Variants in TRPM8 observed in about 807,000 individuals in gnomAD.
TRPM8 encodes TRPM8 cationic channel.
TRPM8 carries 110 observed loss-of-function variants against 133.7 expected under a neutral mutation model. The observed-to-expected ratio is 0.82, with a 90% CI of 0.70 to 0.96. The LOEUF (loss-of-function observed/expected upper bound fraction) is 0.96. Ranked by LOEUF, TRPM8 falls within the 40% of genes least tolerant of loss-of-function variation. The pLI, the probability that TRPM8 is intolerant of heterozygous loss-of-function variation, is 0.00. For missense variants in TRPM8, 1,291 were observed against 1,379.5 expected, an observed-to-expected ratio of 0.94 and a Z score of 1.02; for synonymous variants, 535 against 532.3, an observed-to-expected ratio of 1.01 and a Z score of -0.07.
intron 20 of TRPM8, 86 bp from the exon 21 acceptor site, chr2:233,985,602 T>G: frequency 7.6e-7 from 1 of 1,314,994 alleles, no homozygotes; most frequent in Non-Finnish European, 1.1e-6. Context: ...TCATGACCAC[T>G]GACATGTTCT....
At chr2:234,016,582 T>TG (rs1215976190) in intron 25 of TRPM8, among the ~76,000 whole-genome samples, 1 of 152,130 alleles carries the variant, frequency 6.6e-6, no homozygotes, top group Non-Finnish European at 1.5e-5. Context: ...GAGCTGACCC[T>TG]GGGGGCAAGC....
intron 19 of TRPM8, 31 bp from the exon 20 acceptor site, chr2:233,983,022 C>G: frequency 6.3e-7 from 1 of 1,598,784 alleles, no homozygotes; most frequent in Non-Finnish European, 8.6e-7. Flanking sequence ...GGGCACGGTC[C>G]TGACTCCGCT....
intron 22 of TRPM8, among the ~76,000 whole-genome samples, chr2:234,005,344 A>C (rs566103942): frequency 1.3e-5 from 2 of 152,082 alleles, no homozygotes; most frequent in Admixed American, 1.3e-4. Flanking sequence ...TTCAATCAGC[A>C]TTTCTTTGAC....
chr2:233,952,365 G>A (rs746741363), intron 9 of TRPM8, among the ~76,000 whole-genome samples: 83 of 152,130 alleles, frequency 5.5e-4, no homozygotes, highest in Non-Finnish European at 8.5e-4. Flanking sequence ...GGCAGGTGCC[G>A]AGGGAGCCTG....
intron 3 of TRPM8, among the ~76,000 whole-genome samples, chr2:233,934,963 T>C (rs1024508721): frequency 1.3e-5 from 2 of 152,250 alleles, no homozygotes; most frequent in South Asian, 2.1e-4. Context: ...TTTTGCCATA[T>C]GTTAAATAAG....
chr2:233,995,978 T>C (rs371363866), intron 21 of TRPM8, among the ~76,000 whole-genome samples: 1 of 152,026 alleles, frequency 6.6e-6, no homozygotes, highest in East Asian at 1.9e-4. Flanking sequence ...CCCAAGGGTG[T>C]TGACATCTTG....
intron 17 of TRPM8, among the ~76,000 whole-genome samples, chr2:233,974,776 A>G (rs1408763851): frequency 6.6e-6 from 1 of 152,124 alleles, no homozygotes; most frequent in Non-Finnish European, 1.5e-5. Flanking sequence ...GACTCAGGCG[A>G]CCAGCCTGAC....
chr2:233,963,505 A>G (rs1691490679), intron 13 of TRPM8, 128 bp downstream of exon 13: 1 of 609,958 alleles, frequency 1.6e-6, no homozygotes, highest in Non-Finnish European at 2.8e-6. Flanking sequence ...AGTTCAGATG[A>G]ACATGGTCTC....
intron 1 of TRPM8, among the ~76,000 whole-genome samples, chr2:233,925,786 A>C (rs1297502443): frequency 6.6e-6 from 1 of 152,090 alleles, no homozygotes; most frequent in Non-Finnish European, 1.5e-5. Flanking sequence ...TTGAGTAGGC[A>C]TTGACGGGTT....
rs190193126 is a variant in TRPM8 at position 233,947,671 on chromosome 2, C to T, written c.942+516C>T. The T allele has an allele frequency of 3.0e-5, 36 of 1,184,876 alleles. No homozygotes were observed. In the African/African-American group the frequency reaches 5.5e-4, roughly 18 times the overall value. 73.4% of individuals were successfully genotyped at this position (1,184,876 alleles called of 1,614,324 possible). Reference sequence around the variant, plus strand: ...GTTCTGCACCTGCAACACTGAGCAACTGAGCAAGAATTTGACTTCCCAGCC... The same window carrying T: ...GTTCTGCACCTGCAACACTGAGCAATTGAGCAAGAATTTGACTTCCCAGCC... On this transcript the variant is annotated intron_variant, in intron 8 of 25. Coordinates refer to ENST00000324695, the MANE Select transcript of TRPM8 (RefSeq NM_024080.5).
At chr2:233,979,999 T>C (rs6745987) in intron 17 of TRPM8, 189 bp from the exon 18 acceptor site, 463,881 of 591,670 alleles carry the variant, frequency 0.78, 184,735 homozygotes, top group Non-Finnish European at 0.83. Flanking sequence ...GCCAGTGTGC[T>C]ACCTACTTTC....
chr2:233,948,880 A>G (rs1214342434), intron 8 of TRPM8, among the ~76,000 whole-genome samples: 1 of 152,192 alleles, frequency 6.6e-6, no homozygotes, highest in Admixed American at 6.5e-5. Flanking sequence ...TAAAAAATAC[A>G]AAAATTAGCT....
At chr2:234,012,884 T>C (rs1306361644) in intron 24 of TRPM8, among the ~76,000 whole-genome samples, 1 of 152,002 alleles carries the variant, frequency 6.6e-6, no homozygotes, top group Non-Finnish European at 1.5e-5. Context: ...GATCATGTGG[T>C]TTTTGTCTTT....
At chr2:233,966,552 C>G in intron 14 of TRPM8, 58 bp from the exon 15 acceptor site, 1 of 1,605,388 alleles carries the variant, frequency 6.2e-7, no homozygotes, top group Non-Finnish European at 8.5e-7. Context: ...GGAAGCAGGA[C>G]AGTTTCGGTC....
intron 2 of TRPM8, among the ~76,000 whole-genome samples, chr2:233,927,761 TC>T (rs1691557152): frequency 1.4e-5 from 1 of 70,082 alleles, no homozygotes; most frequent in Non-Finnish European, 2.2e-5. Context: ...TTTCTTTCTT[TC>T]TTTCTTTCTT....
chr2:233,929,096 A>G (rs1489492713), intron 2 of TRPM8, among the ~76,000 whole-genome samples: 4 of 148,670 alleles, frequency 2.7e-5, no homozygotes, highest in Non-Finnish European at 1.5e-5. Flanking sequence ...GCTGTGTCCT[A>G]CTGTGTGCTT....
intron 4 of TRPM8, among the ~76,000 whole-genome samples, chr2:233,938,342 G>T (rs1228082323): frequency 6.6e-6 from 1 of 152,178 alleles, no homozygotes; most frequent in Non-Finnish European, 1.5e-5. Context: ...ACTCCCCCCA[G>T]TCTGCTTTCC....
chr2:233,954,634 C>T (rs187767232), intron 10 of TRPM8, among the ~76,000 whole-genome samples: 3 of 152,212 alleles, frequency 2.0e-5, no homozygotes, highest in South Asian at 4.2e-4. Context: ...AAAGCATCAG[C>T]AATTTATTAG....
intron 5 of TRPM8, 108 bp from the exon 6 acceptor site, chr2:233,942,468 T>C: frequency 9.5e-7 from 1 of 1,057,400 alleles, no homozygotes; most frequent in Non-Finnish European, 1.5e-6. Flanking sequence ...GCCAGTGCTG[T>C]GTCCTGATGC....
Sources: gnomAD v4.1 joint callset for allele counts (sites outside exome capture counted in the v4.1 genomes callset) on GRCh38, gnomAD v4.1.1 for gene constraint, MANE v1.5 for transcripts, NCBI Gene and HGNC (gene_info 2026-07-23, HGNC 2026-07-21) for gene names.